PRKCA: variants seen among roughly 807,000 people sequenced by gnomAD.
PRKCA encodes protein kinase C alpha type.
In PRKCA, 27 loss-of-function variants were observed where a neutral mutation model predicts 87.0. The observed-to-expected ratio is 0.31, with a 90% CI of 0.23 to 0.43. The LOEUF is 0.43. PRKCA is among the 20% of genes least tolerant of loss of function. PRKCA has a pLI of 1.00. For synonymous variants in PRKCA, 329 were observed against 311.1 expected, an observed-to-expected ratio of 1.06 and a Z score of -0.61; for missense variants, 518 against 852.3, an observed-to-expected ratio of 0.61 and a Z score of 4.88.
intron 3 of PRKCA, among the ~76,000 whole-genome samples, chr17:66,625,679 T>TATCCTATGTA (rs1970835552): frequency 2.6e-5 from 4 of 152,244 alleles, no homozygotes; most frequent in Admixed American, 2.6e-4. Context: ...TTTAGGTATC[T>TATCCTATGTA]ATCCTATGTA....
chr17:66,325,105 C>T (rs1487130950), intron 2 of PRKCA, among the ~76,000 whole-genome samples: 1 of 152,174 alleles, frequency 6.6e-6, no homozygotes, highest in Non-Finnish European at 1.5e-5. Flanking sequence ...ACAACTATGC[C>T]AGTAAAAATT....
At chr17:66,732,305 A>G (rs1190311734) in intron 8 of PRKCA, among the ~76,000 whole-genome samples, 1 of 152,214 alleles carries the variant, frequency 6.6e-6, no homozygotes, top group Non-Finnish European at 1.5e-5. Flanking sequence ...AAATCTACAA[A>G]TACAAAAAGC....
chr17:66,702,541 C>T (rs901204702), intron 8 of PRKCA, among the ~76,000 whole-genome samples: 15 of 152,100 alleles, frequency 9.9e-5, no homozygotes, highest in African/African-American at 3.6e-4. Context: ...TGTTTTTATA[C>T]TAGAAATTTG....
chr17:66,365,016 G>A (rs939934920), intron 2 of PRKCA, among the ~76,000 whole-genome samples: 1 of 152,176 alleles, frequency 6.6e-6, no homozygotes, highest in East Asian at 1.9e-4. Flanking sequence ...GTCCCCAAAG[G>A]TCTATCTGTA....
chr17:66,574,402 G>A (rs373276534), intron 3 of PRKCA, among the ~76,000 whole-genome samples: 16 of 152,056 alleles, frequency 1.1e-4, no homozygotes, highest in East Asian at 3.9e-4. Flanking sequence ...AAATGGGGAC[G>A]ACAATAATCC....
At chr17:66,747,205 G>A (rs1297091317) in intron 13 of PRKCA, among the ~76,000 whole-genome samples, 1 of 152,098 alleles carries the variant, frequency 6.6e-6, no homozygotes, top group Non-Finnish European at 1.5e-5. Flanking sequence ...GGGTAACTGG[G>A]ACTACAGGCA....
intron 2 of PRKCA, among the ~76,000 whole-genome samples, chr17:66,371,122 T>C (rs1319945749): frequency 1.3e-5 from 2 of 152,348 alleles, no homozygotes; most frequent in Non-Finnish European, 2.9e-5. Flanking sequence ...CAGTTTTTTC[T>C]TTCCAAGTTC....
At chr17:66,692,107 G>C (rs1238855244) in intron 8 of PRKCA, among the ~76,000 whole-genome samples, 5 of 152,224 alleles carry the variant, frequency 3.3e-5, no homozygotes, top group East Asian at 1.9e-4. Flanking sequence ...AGGAGCGCCA[G>C]CCCAAGGCTG....
chr17:66,775,608 C>T (rs1314434439), intron 14 of PRKCA: 1 of 985,316 alleles, frequency 1.0e-6, no homozygotes, highest in Non-Finnish European at 1.2e-6. Flanking sequence ...CTGTGACTCT[C>T]CATAGCCAGA....
intron 3 of PRKCA, among the ~76,000 whole-genome samples, chr17:66,604,341 G>A (rs17686174): frequency 0.21 from 32,668 of 152,060 alleles, 3,702 homozygotes; most frequent in South Asian, 0.33. Context: ...TAGATATTGC[G>A]GGAGTCAGTT....
intron 2 of PRKCA, among the ~76,000 whole-genome samples, chr17:66,426,801 T>A (rs1330809810): frequency 6.6e-6 from 1 of 152,186 alleles, no homozygotes; most frequent in Non-Finnish European, 1.5e-5. Flanking sequence ...TTGTTTCAGC[T>A]GCTGCTGGAT....
chr17:66,642,988 C>G (rs1971347750), intron 4 of PRKCA, among the ~76,000 whole-genome samples: 2 of 152,134 alleles, frequency 1.3e-5, no homozygotes, highest in Non-Finnish European at 1.5e-5. Flanking sequence ...TGCTGTGAGC[C>G]AAGATTGTGC....
intron 3 of PRKCA, among the ~76,000 whole-genome samples, chr17:66,612,978 A>G (rs1970410312): frequency 6.6e-6 from 1 of 152,230 alleles, no homozygotes; most frequent in Non-Finnish European, 1.5e-5. Flanking sequence ...AAACTTGATT[A>G]TGTTAATTCA....
chr17:66,333,439 T>C (rs1758780604), intron 2 of PRKCA, among the ~76,000 whole-genome samples: 1 of 152,248 alleles, frequency 6.6e-6, no homozygotes. Context: ...ATTTGAATAA[T>C]GGGACTTTAT....
At chr17:66,389,826 T>C (rs1910266128) in intron 2 of PRKCA, among the ~76,000 whole-genome samples, 3 of 152,262 alleles carry the variant, frequency 2.0e-5, no homozygotes, top group Non-Finnish European at 4.4e-5. Context: ...AATGTTCTTT[T>C]TAAGAAAGAG....
chr17:66,590,027 C>T (rs1969751472), intron 3 of PRKCA, among the ~76,000 whole-genome samples: 1 of 152,162 alleles, frequency 6.6e-6, no homozygotes. Context: ...TGCTTGCTTG[C>T]CCGCCGCTCA....
At chr17:66,802,474 G>A (rs1048784378) in intron 16 of PRKCA, among the ~76,000 whole-genome samples, 7 of 151,682 alleles carry the variant, frequency 4.6e-5, no homozygotes, top group African/African-American at 1.5e-4. Context: ...ACAGTGAGCC[G>A]AGGTCACGCC....
At chr17:66,473,161 G>C (rs1915395316) in intron 2 of PRKCA, among the ~76,000 whole-genome samples, 1 of 152,058 alleles carries the variant, frequency 6.6e-6, no homozygotes, top group African/African-American at 2.4e-5. Context: ...TCTGCAGCGG[G>C]CTGCCTCCCC....
In PRKCA at chr17:66,377,721, A is replaced by ATATTT. The variant is rs1350881561; in HGVS notation, c.205+71595_205+71596insATTTT. Among the ~76,000 whole-genome samples the ATATTT allele has an allele frequency of 3.4e-3, 235 of 69,134 alleles. 2 individuals carry two copies. The highest frequency in any genetic ancestry group is 0.02 in the Middle Eastern group (1 of 50). 45.4% of individuals were successfully genotyped at this position (69,134 alleles called of 152,430 possible). A position where few individuals can be genotyped will look rare whatever the true frequency, so the allele number is the denominator to read the frequency against. On this transcript the variant is annotated intron_variant, in intron 2 of 16. Transcript: ENST00000413366. The stretch of plus-strand genomic sequence containing the variant: ...ATGTTTTATATATATATATATATAT[A>ATATTT]TTTTTTTTTTTTTTTTTTTTTGAGG...
Sources: gnomAD v4.1 joint callset for allele counts (sites outside exome capture counted in the v4.1 genomes callset) on GRCh38, gnomAD v4.1.1 for gene constraint, MANE v1.5 for transcripts, NCBI Gene and HGNC (gene_info 2026-07-23, HGNC 2026-07-21) for gene names.